The following RORA variants were observed in gnomAD, a reference collection of about 807,000 sequenced individuals.
RORA encodes the protein RAR related orphan receptor A, also known as nuclear receptor ROR-alpha.
A neutral mutation model predicts 69.5 loss-of-function variants in RORA; 7 were observed. The ratio of observed to expected loss-of-function variants is 0.10; its 90% CI spans 0.06 to 0.19. RORA has a LOEUF of 0.19. Among genes scored for constraint, RORA ranks in the 10% least tolerant of loss-of-function variants. The pLI is 1.00. For missense variants in RORA, 457 were observed against 663.0 expected (o/e 0.69, Z 3.41); for synonymous variants, 261 against 240.8 (o/e 1.08, Z -0.78).
At chr15:61,138,203 T>G (rs1364911306) in intron 1 of RORA, among the ~76,000 whole-genome samples, 1 of 152,178 alleles carries the variant, frequency 6.6e-6, no homozygotes, top group African/African-American at 2.4e-5. Context: ...ACATATGTAT[T>G]TGGTTCTTAA....
intron 2 of RORA, among the ~76,000 whole-genome samples, chr15:60,655,617 C>A (rs890489500): frequency 5.9e-5 from 9 of 152,088 alleles, no homozygotes; most frequent in African/African-American, 1.9e-4. Context: ...GAGCGTGTGA[C>A]CCCTTTCTCC....
At chr15:60,573,670 T>C (rs1428941976) in intron 2 of RORA, among the ~76,000 whole-genome samples, 1 of 152,226 alleles carries the variant, frequency 6.6e-6, no homozygotes, top group African/African-American at 2.4e-5. Context: ...GCTCACTGTC[T>C]AGCTTTCAAG....
At chr15:61,085,575 T>C (rs183740536) in intron 1 of RORA, among the ~76,000 whole-genome samples, 47 of 152,354 alleles carry the variant, frequency 3.1e-4, no homozygotes, top group African/African-American at 9.9e-4. Flanking sequence ...TGCTCCCTGG[T>C]GATGCTGATG....
intron 3 of RORA, among the ~76,000 whole-genome samples, chr15:60,526,497 A>T (rs1367345032): frequency 6.6e-6 from 1 of 152,232 alleles, no homozygotes; most frequent in African/African-American, 2.4e-5. Flanking sequence ...AAATAAAAAA[A>T]AATCTGAATC....
chr15:60,556,960 G>A lies in RORA; in HGVS notation c.197-25109C>T, dbSNP rs1470727430. The A allele has an allele frequency of 1.9e-6, 3 of 1,564,700 alleles. No homozygotes were observed. The African/African-American group carries it at 4.1e-5, about 21-fold the overall frequency. Reference sequence around the variant, plus strand: ...TGTCCACCCCAATCCAATGATAAAGGACAAAGAAAAGATTTATCAGAGCAT... The same window carrying A: ...TGTCCACCCCAATCCAATGATAAAGAACAAAGAAAAGATTTATCAGAGCAT... On this transcript the variant is annotated intron_variant, in intron 2 of 10. Coordinates refer to ENST00000335670, the MANE Select transcript of RORA (RefSeq NM_134261.3).
At chr15:61,093,459 T>G (rs2078739522) in intron 1 of RORA, among the ~76,000 whole-genome samples, 1 of 152,210 alleles carries the variant, frequency 6.6e-6, no homozygotes, top group African/African-American at 2.4e-5. Context: ...ATCCTATGCC[T>G]GGAGATACAG....
At chr15:60,684,466 A>G (rs181533380) in intron 1 of RORA, among the ~76,000 whole-genome samples, 34 of 152,160 alleles carry the variant, frequency 2.2e-4, no homozygotes, top group Non-Finnish European at 1.5e-5. Flanking sequence ...AAATACAAAA[A>G]ATTAGCCAAG....
At chr15:60,709,457 A>AC (rs1488654156) in intron 1 of RORA, among the ~76,000 whole-genome samples, 1 of 152,024 alleles carries the variant, frequency 6.6e-6, no homozygotes, top group Non-Finnish European at 1.5e-5. Flanking sequence ...GGGGTCCTTA[A>AC]CCCCTGGTAC....
intron 2 of RORA, among the ~76,000 whole-genome samples, chr15:60,578,468 C>T (rs340008): frequency 0.055 from 8,393 of 152,170 alleles, 259 homozygotes; most frequent in East Asian, 0.12. Flanking sequence ...AGATAACAGA[C>T]TCAAAGTTCA....
intron 1 of RORA, among the ~76,000 whole-genome samples, chr15:61,202,873 C>T (rs1030130824): frequency 5.9e-5 from 9 of 152,174 alleles, no homozygotes; most frequent in Non-Finnish European, 1.0e-4. Flanking sequence ...ATTTCCACTA[C>T]CCTGTGTTGC....
chr15:61,059,536 G>A (rs879600966), intron 1 of RORA, among the ~76,000 whole-genome samples: 2 of 152,194 alleles, frequency 1.3e-5, no homozygotes, highest in Non-Finnish European at 2.9e-5. Context: ...GAAGAATAGG[G>A]ATTTGTAGAA....
At chr15:61,023,267 C>G (rs192966810) in intron 1 of RORA, among the ~76,000 whole-genome samples, 1 of 149,436 alleles carries the variant, frequency 6.7e-6, no homozygotes, top group African/African-American at 2.5e-5. Flanking sequence ...ATACCTGAGA[C>G]TGGGGAAAAA....
At chr15:61,124,780 T>A (rs1300182970) in intron 1 of RORA, among the ~76,000 whole-genome samples, 1 of 152,164 alleles carries the variant, frequency 6.6e-6, no homozygotes, top group Non-Finnish European at 1.5e-5. Context: ...ACTGAACCCC[T>A]CTCTGAGCCT....
chr15:60,884,957 C>T (rs2073735412), intron 1 of RORA, among the ~76,000 whole-genome samples: 1 of 152,244 alleles, frequency 6.6e-6, no homozygotes, highest in South Asian at 2.1e-4. Flanking sequence ...ATAACAGGCC[C>T]CCAAAACAAA....
At chr15:60,995,722 A>C (rs1458557251) in intron 1 of RORA, among the ~76,000 whole-genome samples, 1 of 152,212 alleles carries the variant, frequency 6.6e-6, no homozygotes, top group African/African-American at 2.4e-5. Flanking sequence ...GGGTTTCCCT[A>C]CAAGACAGTG....
At chr15:61,114,009 C>A (rs535031221) in intron 1 of RORA, among the ~76,000 whole-genome samples, 18 of 152,258 alleles carry the variant, frequency 1.2e-4, no homozygotes, top group African/African-American at 3.4e-4. Flanking sequence ...GTTTCCTGTC[C>A]CATGAAGCTA....
intron 1 of RORA, among the ~76,000 whole-genome samples, chr15:60,906,768 A>T (rs1241884490): frequency 6.6e-6 from 1 of 152,164 alleles, no homozygotes; most frequent in Non-Finnish European, 1.5e-5. Flanking sequence ...AATAATAACT[A>T]AGATTTTTAT....
chr15:60,543,219 A>C (rs2066957073), intron 2 of RORA, among the ~76,000 whole-genome samples: 1 of 116,684 alleles, frequency 8.6e-6, no homozygotes, highest in African/African-American at 3.4e-5. Context: ...TTTTAAGGAA[A>C]AAGGAGAGAG....
At chr15:60,796,332 A>C (rs888550575) in intron 1 of RORA, among the ~76,000 whole-genome samples, 2 of 152,190 alleles carry the variant, frequency 1.3e-5, no homozygotes, top group Admixed American at 6.5e-5. Context: ...GCCTGATTCT[A>C]AACTTGGAGA....
Sources: allele counts gnomAD v4.1 joint callset (sites outside exome capture counted in the v4.1 genomes callset), GRCh38; gene constraint gnomAD v4.1.1; transcripts MANE v1.5; gene names NCBI Gene and HGNC (gene_info 2026-07-23, HGNC 2026-07-21).